Variants in ITGBL1 observed in about 807,000 individuals in gnomAD.
ITGBL1 encodes the protein integrin subunit beta like 1.
ITGBL1 carries 51 observed loss-of-function variants against 68.5 expected under a neutral mutation model. The observed-to-expected ratio is 0.74, with a 90% confidence interval of 0.59 to 0.94. The LOEUF is 0.94. Among genes scored for constraint, ITGBL1 ranks in the 40% least tolerant of loss-of-function variants. ITGBL1 has a pLI of 0.00. For synonymous variants in ITGBL1, 209 were observed against 227.3 expected (o/e 0.92, Z 0.72); for missense variants, 649 against 647.4 (o/e 1.00, Z -0.03).
intron 7 of ITGBL1, among the ~76,000 whole-genome samples, chr13:101,636,064 C>G (rs1192914408): frequency 6.6e-6 from 1 of 152,066 alleles, no homozygotes; most frequent in Non-Finnish European, 1.5e-5. Context: ...TCCCAACAGG[C>G]TGAGACCATA....
intron 7 of ITGBL1, among the ~76,000 whole-genome samples, chr13:101,651,512 G>A (rs184048848): frequency 6.6e-6 from 1 of 152,100 alleles, no homozygotes; most frequent in Admixed American, 6.5e-5. Context: ...CTTTTTAATG[G>A]GGTTGTTTGT....
intron 7 of ITGBL1, among the ~76,000 whole-genome samples, chr13:101,637,958 TATAAA>T (rs998924093): frequency 6.6e-5 from 10 of 152,196 alleles, no homozygotes; most frequent in Non-Finnish European, 1.2e-4. Context: ...AGTAAACTCT[TATAAA>T]GTAAAGTAAT....
chr13:101,689,135 A>G (rs753262183), intron 7 of ITGBL1, among the ~76,000 whole-genome samples: 26 of 146,248 alleles, frequency 1.8e-4, no homozygotes, highest in Non-Finnish European at 3.4e-4. Flanking sequence ...AACCCAGGAG[A>G]CAGAGGTTGC....
At chr13:101,669,113 T>TA (rs140112067) in intron 7 of ITGBL1, among the ~76,000 whole-genome samples, 4,161 of 148,034 alleles carry the variant, frequency 0.028, 141 homozygotes, top group African/African-American at 0.086. Context: ...CCTTTTTCGT[T>TA]AAAAAAAAAA....
At chr13:101,632,408 A>G (rs2032015485) in intron 7 of ITGBL1, among the ~76,000 whole-genome samples, 1 of 152,218 alleles carries the variant, frequency 6.6e-6, no homozygotes, top group African/African-American at 2.4e-5. Context: ...AAAAGCACCA[A>G]TATGTTGGTT....
At position 101,706,947 on chromosome 13, in the gene ITGBL1, CAT is replaced by C. The variant is rs750977327; in HGVS notation, c.1279+46_1279+47del. 5 of 1,587,080 alleles carry C rather than the reference CAT, an allele frequency of 3.2e-6. No homozygotes were observed. In the South Asian group the frequency reaches 4.5e-5, roughly 14 times the overall value. On this transcript the variant is annotated intron_variant, in intron 9 of 10. Coordinates refer to ENST00000376180, the MANE Select transcript of ITGBL1 (RefSeq NM_004791.3). Reference sequence around the variant, plus strand: ...CCTGGACTCCATTCCTGTTCTGACACATGATTTGTAGAACAGCATGTAGCAAC... The same window carrying C: ...CCTGGACTCCATTCCTGTTCTGACACGATTTGTAGAACAGCATGTAGCAAC...
chr13:101,562,544 A>G (rs2050117081), intron 2 of ITGBL1, among the ~76,000 whole-genome samples: 1 of 152,066 alleles, frequency 6.6e-6, no homozygotes, highest in African/African-American at 2.4e-5. Flanking sequence ...ATGATAGACA[A>G]AGTAGGCTTT....
At chr13:101,585,092 G>A (rs755272657) in intron 6 of ITGBL1, among the ~76,000 whole-genome samples, 1 of 152,090 alleles carries the variant, frequency 6.6e-6, no homozygotes, top group Non-Finnish European at 1.5e-5. Flanking sequence ...CAAGAACTGG[G>A]GGGCTTTTTA....
chr13:101,671,426 G>GTTTTT (rs66501713), intron 7 of ITGBL1, among the ~76,000 whole-genome samples: 4,864 of 112,162 alleles, frequency 0.043, 766 homozygotes, highest in South Asian at 0.066. Flanking sequence ...GTATACCTTT[G>GTTTTT]TTTTTTTTTT....
chr13:101,544,545 G>C (rs1280150635), intron 2 of ITGBL1, among the ~76,000 whole-genome samples: 4 of 152,174 alleles, frequency 2.6e-5, no homozygotes. Flanking sequence ...CAGTTGTCCA[G>C]CTGCATGCTG....
At position 101,579,360 on chromosome 13, in the gene ITGBL1, C is replaced by T. The variant is rs34438356; in HGVS notation, c.660C>T (p.Cys220=). Residue 220 remains cysteine (C), a synonymous_variant, in exon 5 of 11, where the codon TGC becomes TGT. Transcript: ENST00000376180. ...ATGGAGATAAATGTGAATTCCAGTGCGATATCACCCCCTGGGAAAGCAAGC... is the reference window on the plus strand; with the variant it reads ...ATGGAGATAAATGTGAATTCCAGTGTGATATCACCCCCTGGGAAAGCAAGC... ...GWHGDKCEFQ[C]DITPWESKRR... is the part of the protein sequence containing the mutation. 4.6e-3 allele frequency: 7,403 copies of T among 1,613,800 alleles called. 25 individuals carry two copies. Among genetic ancestry groups the T allele is most frequent in the Non-Finnish European group, 5.5e-3 (6,514 of 1,179,808 alleles).
At chr13:101,481,568 C>T (rs2048625171) in intron 2 of ITGBL1, among the ~76,000 whole-genome samples, 1 of 151,846 alleles carries the variant, frequency 6.6e-6, no homozygotes, top group African/African-American at 2.4e-5. Context: ...CCACCTTATC[C>T]CAGAGATATC....
At chr13:101,457,600 G>C (rs1237277014) in intron 2 of ITGBL1, among the ~76,000 whole-genome samples, 1 of 152,106 alleles carries the variant, frequency 6.6e-6, no homozygotes, top group African/African-American at 2.4e-5. Flanking sequence ...GGATGTGATG[G>C]TCTATTAAGG....
chr13:101,677,662 A>G (rs2033538337), intron 7 of ITGBL1, among the ~76,000 whole-genome samples: 1 of 152,168 alleles, frequency 6.6e-6, no homozygotes, highest in African/African-American at 2.4e-5. Context: ...CCTTATGCTA[A>G]TCCATTCCAT....
At chr13:101,706,614 C>A in intron 8 of ITGBL1, 142 bp from the exon 9 acceptor site, 3 of 757,578 alleles carry the variant, frequency 4.0e-6, no homozygotes, top group Non-Finnish European at 6.1e-6. Flanking sequence ...CAAACAATTA[C>A]ATGCCAAATT....
chr13:101,513,089 G>C (rs573146584), intron 2 of ITGBL1, among the ~76,000 whole-genome samples: 15 of 152,150 alleles, frequency 9.9e-5, no homozygotes, highest in African/African-American at 3.6e-4. Context: ...ACTTCTAAAG[G>C]AACAGCCTTT....
chr13:101,715,308 C>A (rs1420929456), intron 10 of ITGBL1: 7 of 387,760 alleles, frequency 1.8e-5, no homozygotes, highest in African/African-American at 1.0e-4. Context: ...CACCTAAAAG[C>A]CTAGCTGGAG....
intron 7 of ITGBL1, among the ~76,000 whole-genome samples, chr13:101,609,464 C>G (rs777557661): frequency 6.6e-6 from 1 of 151,972 alleles, no homozygotes; most frequent in Non-Finnish European, 1.5e-5. Flanking sequence ...GCAGCATTTA[C>G]TAAGCTAATG....
chr13:101,592,757 C>T (rs2050676801), intron 6 of ITGBL1, among the ~76,000 whole-genome samples: 1 of 152,000 alleles, frequency 6.6e-6, no homozygotes, highest in South Asian at 2.1e-4. Context: ...CACTACTTCT[C>T]ATGATATACA....
Sources: gnomAD v4.1 joint callset for allele counts (sites outside exome capture counted in the v4.1 genomes callset) on GRCh38, gnomAD v4.1.1 for gene constraint, MANE v1.5 for transcripts, NCBI Gene and HGNC (gene_info 2026-07-23, HGNC 2026-07-21) for gene names.